The following KIF13A variants were observed in gnomAD, a reference collection of about 807,000 sequenced individuals.
KIF13A encodes the protein kinesin-like protein KIF13A.
Under a neutral mutation model 212.2 loss-of-function variants are expected in KIF13A, and 79 were observed. The observed-to-expected ratio is 0.37, with a 90% confidence interval of 0.31 to 0.45. KIF13A has a LOEUF of 0.45. KIF13A is among the 20% of genes least tolerant of loss of function. The pLI is 1.00. For missense variants in KIF13A, 1,901 were observed against 2,209.0 expected, an observed-to-expected ratio of 0.86 and a Z score of 2.79; for synonymous variants, 789 against 808.6, an observed-to-expected ratio of 0.98 and a Z score of 0.41.
intron 18 of KIF13A, among the ~76,000 whole-genome samples, chr6:17,805,965 G>A (rs1239436299): frequency 7.0e-6 from 1 of 143,100 alleles, no homozygotes; most frequent in Non-Finnish European, 1.5e-5. Context: ...TATCATCCAA[G>A]CTGCAGTGAA....
At chr6:17,832,653 A>G (rs1765552134) in intron 12 of KIF13A, among the ~76,000 whole-genome samples, 1 of 151,510 alleles carries the variant, frequency 6.6e-6, no homozygotes, top group African/African-American at 2.4e-5. Flanking sequence ...AAAATTAAAT[A>G]AATAAAAATA....
intron 17 of KIF13A, among the ~76,000 whole-genome samples, chr6:17,812,926 T>C (rs1310929857): frequency 1.3e-5 from 2 of 152,232 alleles, no homozygotes; most frequent in South Asian, 2.1e-4. Context: ...TCCCTAGTCA[T>C]TGGTGATAAT....
intron 16 of KIF13A, among the ~76,000 whole-genome samples, chr6:17,821,625 C>G (rs1053265214): frequency 6.4e-4 from 73 of 114,572 alleles, no homozygotes; most frequent in African/African-American, 2.0e-3. Context: ...AGGAACATTC[C>G]TCAATGAAGA....
At chr6:17,932,469 G>A (rs1776066795) in intron 2 of KIF13A, among the ~76,000 whole-genome samples, 1 of 152,132 alleles carries the variant, frequency 6.6e-6, no homozygotes. Context: ...AGTTGCATAA[G>A]GCTTTTAGAT....
chr6:17,823,418 C>T lies in KIF13A; in HGVS notation c.1786+2350G>A, dbSNP rs1462932665. Among the ~76,000 whole-genome samples, 4 of 151,066 alleles carry T rather than the reference C, an allele frequency of 2.6e-5. No homozygotes were observed. The South Asian group carries it at 6.3e-4, about 24-fold the overall frequency. On this transcript the variant is annotated intron_variant, in intron 16 of 38. Transcript: ENST00000259711. Reference sequence around the variant, plus strand: ...TTCTCTCTCTCTCTCTCTCCCCGCCCCCCACTTCCCCCTCCCTGCCTTCCT... The same window carrying T: ...TTCTCTCTCTCTCTCTCTCCCCGCCTCCCACTTCCCCCTCCCTGCCTTCCT...
chr6:17,920,582 A>C (rs1321259408), intron 2 of KIF13A, among the ~76,000 whole-genome samples: 1 of 152,194 alleles, frequency 6.6e-6, no homozygotes, highest in Non-Finnish European at 1.5e-5. Context: ...TTCATGTAAA[A>C]GTAATATGCG....
At chr6:17,806,641 A>G (rs1762972087) in intron 18 of KIF13A, among the ~76,000 whole-genome samples, 1 of 152,118 alleles carries the variant, frequency 6.6e-6, no homozygotes. Context: ...GCACTTTGGG[A>G]GGCCAAGGTG....
intron 3 of KIF13A, among the ~76,000 whole-genome samples, chr6:17,876,607 C>CTG (rs1014489620): frequency 7.0e-6 from 1 of 143,778 alleles, no homozygotes; most frequent in East Asian, 2.1e-4. Context: ...TGTATATGAT[C>CTG]TGTGTGTGTG....
At position 17,873,393 on chromosome 6, in the gene KIF13A, G is replaced by T. The variant is rs750427547; in HGVS notation, c.204C>A (p.Asn68Lys). ...DYCFWSMDES[N>K]TTKYAGQEVV... ...AAAACTTACCAGCGTATTTTGTAGT[G>T]TTAGATTCATCCATGGACCAAAAGC... The change falls in exon 4 of 39, where the codon AAC (asparagine) becomes AAA (lysine). Residue 68 changes from asparagine to lysine, a missense_variant. By Grantham distance (94) the Asn-to-Lys change is moderately conservative. This residue lies in a region of KIF13A where 506 missense variants were observed against 637.4 expected (regional missense o/e 0.79). Transcript: ENST00000259711. The T allele has an allele frequency of 4.4e-5, 71 of 1,596,490 alleles. No individual in the cohort carries two copies. Among genetic ancestry groups the T allele is most frequent in the Non-Finnish European group, 6.0e-5 (70 of 1,170,784 alleles).
In KIF13A at chr6:17,764,709, C is replaced by T; in HGVS notation, c.4819G>A (p.Ala1607Thr). ...GGGACCACCATGTCAGACAGGGTGG[C>T]ATTGGAGGCACTGTGGGAAAAGTAG... ...SGYFSHSASN[A>T]TLSDMVVPSS... is the part of the protein sequence containing the mutation. The change falls in exon 39 of 39, where the codon GCC becomes ACC. Residue 1607 changes from alanine to threonine, a missense_variant. Coordinates refer to ENST00000259711, the MANE Select transcript of KIF13A (RefSeq NM_022113.6). This position sits in a 1 kb window ranked among gnomAD's most constrained non-coding sequence, Gnocchi z 5.1. 1.2e-6 allele frequency: 2 copies of T among 1,613,212 alleles called. No homozygotes were observed. The highest frequency in any genetic ancestry group is 1.7e-6 in the Non-Finnish European group (2 of 1,179,546).
chr6:17,910,103 C>A (rs1429804845), intron 2 of KIF13A, among the ~76,000 whole-genome samples: 1 of 152,186 alleles, frequency 6.6e-6, no homozygotes, highest in Non-Finnish European at 1.5e-5. Flanking sequence ...AGCTCCATGA[C>A]AGTGAAACTG....
rs1771570380 is a variant in KIF13A, at chr6:17,886,693, C to G, written c.159+11475G>C. On this transcript the variant is annotated intron_variant, in intron 3 of 38. Coordinates refer to ENST00000259711, the MANE Select transcript of KIF13A (RefSeq NM_022113.6). The surrounding 1 kb of genome is among the most constrained non-coding windows in gnomAD (Gnocchi z 5.6). ...GGGAGAGTAGAACCTGTAGGAATTT[C>G]AAGATAGAAACACACAGCACTTCAC... Among the ~76,000 whole-genome samples the G allele has an allele frequency of 6.6e-6, 1 of 152,020 alleles. No individual in the cohort carries two copies. Among genetic ancestry groups the G allele is most frequent in the African/African-American group, 2.4e-5 (1 of 41,374 alleles).
intron 2 of KIF13A, among the ~76,000 whole-genome samples, chr6:17,975,404 G>A (rs1289525306): frequency 6.6e-6 from 1 of 152,102 alleles, no homozygotes; most frequent in Non-Finnish European, 1.5e-5. Context: ...GGCGCGTCTG[G>A]AGTTTTTTCC....
At chr6:17,820,431 C>T (rs1440811998) in intron 16 of KIF13A, among the ~76,000 whole-genome samples, 2 of 152,156 alleles carry the variant, frequency 1.3e-5, no homozygotes, top group East Asian at 3.8e-4. Flanking sequence ...ACTTTGATGA[C>T]ATTTTCTTTT....
chr6:17,911,055 G>A (rs1050880469), intron 2 of KIF13A, among the ~76,000 whole-genome samples: 1 of 152,206 alleles, frequency 6.6e-6, no homozygotes, highest in South Asian at 2.1e-4. Context: ...GAGCCACCGC[G>A]CCCAGCCTAA....
rs1554188576 is a variant in KIF13A, at chr6:17,874,957, T to TTTTTTTTTTTTTTGAG, written c.160-1521_160-1520insCTCAAAAAAAAAAAAA. On this transcript the variant is annotated intron_variant, in intron 3 of 38. Coordinates refer to ENST00000259711, the MANE Select transcript of KIF13A (RefSeq NM_022113.6). ...CAAATGCCGTTAATTCATTCCTTTT[T>TTTTTTTTTTTTTTGAG]ATGGCTAAGTAGTATTCCACCACAC... Among the ~76,000 whole-genome samples, 4 of 141,464 alleles carry TTTTTTTTTTTTTTGAG rather than the reference T, an allele frequency of 2.8e-5. No individual in the cohort carries two copies. In the East Asian group the frequency reaches 6.2e-4, roughly 22 times the overall value. 92.8% of individuals were successfully genotyped at this position (141,464 alleles called of 152,430 possible).
At chr6:17,813,546 A>G (rs1003282660) in intron 17 of KIF13A, among the ~76,000 whole-genome samples, 2 of 152,228 alleles carry the variant, frequency 1.3e-5, no homozygotes, top group African/African-American at 4.8e-5. Flanking sequence ...GTATCCAGAC[A>G]GATGAGCAGG....
Position 17,888,365 on chromosome 6 carries a change from C to T in KIF13A, c.159+9803G>A, listed in dbSNP as rs917641265. 2.2e-4 allele frequency among the ~76,000 whole-genome samples: 33 copies of T among 152,062 alleles called. No individual in the cohort carries two copies. Among genetic ancestry groups the T allele is most frequent in the African/African-American group, 7.5e-4 (31 of 41,376 alleles). On this transcript the variant is annotated intron_variant, in intron 3 of 38. Coordinates refer to ENST00000259711, the MANE Select transcript of KIF13A (RefSeq NM_022113.6). This position sits in a 1 kb window ranked among gnomAD's most constrained non-coding sequence, Gnocchi z 4.8. ...ATATAAAAGTAAAAATGTAAAAGAT[C>T]AAGGTAGGTCTGCTGCATTTGACTG... is the stretch of plus-strand genomic sequence containing the variant.
intron 20 of KIF13A, among the ~76,000 whole-genome samples, chr6:17,804,047 G>C (rs958503365): frequency 6.6e-6 from 1 of 152,184 alleles, no homozygotes; most frequent in African/African-American, 2.4e-5. Flanking sequence ...AGCTACTCGG[G>C]AGGCTGAGGC....
Sources: gnomAD v4.1 joint callset for allele counts (sites outside exome capture counted in the v4.1 genomes callset) on GRCh38, gnomAD v4.1.1 for gene constraint, gnomAD v4.1.1 regional missense constraint, Gnocchi (gnomAD v3.1) non-coding constraint, MANE v1.5 for transcripts, NCBI Gene and HGNC (gene_info 2026-07-23, HGNC 2026-07-21) for gene names.